The following MATCAP2 variants were observed in gnomAD, a reference collection of about 807,000 sequenced individuals.
The protein encoded by MATCAP2 is putative tyrosine carboxypeptidase MATCAP2.
chr7:36,382,172 T>G, the MATCAP2 span, among the ~76,000 whole-genome samples: 2 of 150,564 alleles, frequency 1.3e-5, no homozygotes, highest in Admixed American at 1.3e-4. Context: ...CCGGGCATGG[T>G]GGTGGGTGCC....
At chr7:36,334,933 T>TCTACTAAGAAAATAAAATAAATA in the MATCAP2 span, 1 of 983,542 alleles carries the variant, frequency 1.0e-6, no homozygotes, top group Non-Finnish European at 1.5e-6. Context: ...TAAATTTTCT[T>TCTACTAAGAAAATAAAATAAATA]CTACTAAGAA....
At chr7:36,371,648 T>A in the MATCAP2 span, among the ~76,000 whole-genome samples, 1 of 152,182 alleles carries the variant, frequency 6.6e-6, no homozygotes, top group African/African-American at 2.4e-5. Flanking sequence ...TGATAGGGGA[T>A]AGAGGCTAGT....
the MATCAP2 span, among the ~76,000 whole-genome samples, chr7:36,362,072 G>A: frequency 1.3e-5 from 2 of 152,250 alleles, no homozygotes; most frequent in Admixed American, 1.3e-4. Context: ...TCTGGGCAAT[G>A]GTTATGTATG....
chr7:36,337,123 A>AAAAAAAAAAAAAAAAAAAAC, the MATCAP2 span, among the ~76,000 whole-genome samples: 5 of 145,484 alleles, frequency 3.4e-5, 1 homozygote, highest in Admixed American at 7.0e-5. Flanking sequence ...AAAAAAAAAA[A>AAAAAAAAAAAAAAAAAAAAC]AAGCAATCAG....
At chr7:36,349,785 G>C in the MATCAP2 span, among the ~76,000 whole-genome samples, 1 of 152,170 alleles carries the variant, frequency 6.6e-6, no homozygotes, top group Non-Finnish European at 1.5e-5. Flanking sequence ...TGTTAATCAA[G>C]TTTTCAAAGG....
the MATCAP2 span, among the ~76,000 whole-genome samples, chr7:36,338,346 G>A: frequency 2.0e-5 from 3 of 151,916 alleles, no homozygotes; most frequent in Non-Finnish European, 2.9e-5. Flanking sequence ...CACCCAGGTC[G>A]GAGCACAGTA....
At chr7:36,357,940 TG>T in the MATCAP2 span, among the ~76,000 whole-genome samples, 1 of 152,162 alleles carries the variant, frequency 6.6e-6, no homozygotes, top group African/African-American at 2.4e-5. Context: ...GGCTCACACC[TG>T]TAATCCCAGC....
At chr7:36,338,972 A>T in the MATCAP2 span, among the ~76,000 whole-genome samples, 1 of 152,202 alleles carries the variant, frequency 6.6e-6, no homozygotes, top group Non-Finnish European at 1.5e-5. Flanking sequence ...TTTTAGACCA[A>T]ACCAATGCAT....
the MATCAP2 span, among the ~76,000 whole-genome samples, chr7:36,349,935 G>A: frequency 1.1e-3 from 164 of 152,156 alleles, 2 homozygotes; most frequent in East Asian, 0.012. Context: ...CCAGTTCTCC[G>A]ATCTAATACA....
At chr7:36,351,941 T>TAAAAA in the MATCAP2 span, among the ~76,000 whole-genome samples, 3 of 115,290 alleles carry the variant, frequency 2.6e-5, no homozygotes, top group East Asian at 5.1e-4. Context: ...GGGAGATTGT[T>TAAAAA]AAAAAAAAAA....
chr7:36,366,704 T>C, the MATCAP2 span: 3 of 1,535,102 alleles, frequency 2.0e-6, no homozygotes, highest in Non-Finnish European at 1.7e-6. Context: ...AGGTACTTAC[T>C]GATAATAAGT....
At chr7:36,383,244 T>G in the MATCAP2 span, among the ~76,000 whole-genome samples, 2 of 152,222 alleles carry the variant, frequency 1.3e-5, no homozygotes, top group African/African-American at 2.4e-5. Context: ...CTTTGATGGT[T>G]GTTGTTTCTT....
the MATCAP2 span, among the ~76,000 whole-genome samples, chr7:36,353,189 G>A: frequency 1.3e-5 from 2 of 152,116 alleles, no homozygotes; most frequent in Admixed American, 6.5e-5. Flanking sequence ...TAAAGTGGGA[G>A]GATCGCTTGT....
chr7:36,383,318 T>C, the MATCAP2 span, among the ~76,000 whole-genome samples: 1 of 152,200 alleles, frequency 6.6e-6, no homozygotes, highest in Non-Finnish European at 1.5e-5. Flanking sequence ...ACTGGGTATA[T>C]ATCCAAAGGA....
chr7:36,339,055 G>A, the MATCAP2 span, among the ~76,000 whole-genome samples: 20 of 152,220 alleles, frequency 1.3e-4, no homozygotes, highest in Non-Finnish European at 2.2e-4. Flanking sequence ...CCCAACCACC[G>A]TGGACACATC....
At chr7:36,345,750 A>T in the MATCAP2 span, among the ~76,000 whole-genome samples, 1 of 152,014 alleles carries the variant, frequency 6.6e-6, no homozygotes, top group East Asian at 1.9e-4. Context: ...AAGCAATAAA[A>T]CTCTTAGAAG....
the MATCAP2 span, chr7:36,357,401 T>A: frequency 5.0e-6 from 8 of 1,614,180 alleles, no homozygotes; most frequent in Non-Finnish European, 6.8e-6. Context: ...AGACTGTTTT[T>A]GTGAATGATA....
At chr7:36,330,956 G>GA in the MATCAP2 span, 1 of 1,350,256 alleles carries the variant, frequency 7.4e-7, no homozygotes, top group Non-Finnish European at 1.1e-6. Flanking sequence ...GGTGTTCGGG[G>GA]ACTATGTGCC....
At chr7:36,384,132 T>C in the MATCAP2 span, among the ~76,000 whole-genome samples, 2 of 152,174 alleles carry the variant, frequency 1.3e-5, no homozygotes, top group African/African-American at 4.8e-5. Flanking sequence ...AGTCCCTGCT[T>C]TCAAATTTTT....
Sources: allele counts gnomAD v4.1 joint callset (sites outside exome capture counted in the v4.1 genomes callset), GRCh38; gene constraint gnomAD v4.1.1; transcripts MANE v1.5; gene names NCBI Gene and HGNC (gene_info 2026-07-23, HGNC 2026-07-21).